Variants in SGF29 observed in about 807,000 individuals in gnomAD.
SGF29 encodes the protein SAGA complex associated factor 29.
Under a neutral mutation model 38.1 loss-of-function variants are expected in SGF29, and 15 were observed. The observed-to-expected ratio is 0.39, with a 90% CI of 0.26 to 0.61. The LOEUF (loss-of-function observed/expected upper bound fraction) is 0.61. SGF29 is among the 20% of genes least tolerant of loss of function. SGF29 has a pLI of 0.49. For synonymous variants in SGF29, 151 were observed against 160.8 expected (o/e 0.94, Z 0.46); for missense variants, 184 against 394.6 (o/e 0.47, Z 4.52).
chr16:28,583,883 A>G (rs2046940610), intron 2 of SGF29, among the ~76,000 whole-genome samples: 1 of 152,058 alleles, frequency 6.6e-6, no homozygotes, highest in African/African-American at 2.4e-5. Context: ...GAATTTCCAT[A>G]TGAATTTTAG....
At chr16:28,563,472 T>G (rs2046802247) in intron 1 of SGF29, among the ~76,000 whole-genome samples, 1 of 152,202 alleles carries the variant, frequency 6.6e-6, no homozygotes. Flanking sequence ...CCTGAAAGTT[T>G]CAACCTCTGT....
chr16:28,555,038 C>A (rs1472612040), intron 1 of SGF29, among the ~76,000 whole-genome samples: 1 of 152,214 alleles, frequency 6.6e-6, no homozygotes, highest in Non-Finnish European at 1.5e-5. Flanking sequence ...GTTGCTCAGA[C>A]TGGAGAACAG....
intron 2 of SGF29, among the ~76,000 whole-genome samples, chr16:28,582,668 G>A (rs926605101): frequency 1.3e-5 from 2 of 152,184 alleles, no homozygotes; most frequent in Admixed American, 1.3e-4. Flanking sequence ...AAAGGGCTGG[G>A]CGTGGTAACT....
chr16:28,564,291 C>T (rs1187978064), intron 1 of SGF29, among the ~76,000 whole-genome samples: 2 of 151,538 alleles, frequency 1.3e-5, no homozygotes, highest in Non-Finnish European at 2.9e-5. Context: ...GAATTGGGAG[C>T]CTTGAGAGGT....
intron 4 of SGF29, among the ~76,000 whole-genome samples, chr16:28,586,909 G>A (rs952754908): frequency 1.4e-4 from 21 of 152,144 alleles, no homozygotes; most frequent in African/African-American, 4.3e-4. Flanking sequence ...GTGGAGTGGC[G>A]TAATCATGGC....
At chr16:28,576,569 G>A (rs1355528708) in intron 1 of SGF29, among the ~76,000 whole-genome samples, 3 of 151,906 alleles carry the variant, frequency 2.0e-5, no homozygotes, top group African/African-American at 7.2e-5. Context: ...GCGTGGTGAT[G>A]GGTGCCTGTA....
At chr16:28,566,300 A>C (rs1201347169) in intron 1 of SGF29, among the ~76,000 whole-genome samples, 1 of 151,658 alleles carries the variant, frequency 6.6e-6, no homozygotes, top group East Asian at 1.9e-4. Context: ...AGAAAAAGAA[A>C]GAGGGTCTTA....
At chr16:28,573,357 G>A (rs190150816) in intron 1 of SGF29, among the ~76,000 whole-genome samples, 193 of 152,244 alleles carry the variant, frequency 1.3e-3, no homozygotes, top group African/African-American at 4.6e-3. Flanking sequence ...AGGCCACATC[G>A]GAAGCAGCAG....
At chr16:28,572,561 G>T (rs184160462) in intron 1 of SGF29, among the ~76,000 whole-genome samples, 16 of 152,186 alleles carry the variant, frequency 1.1e-4, no homozygotes, top group Admixed American at 9.8e-4. Context: ...GAGCCACTGC[G>T]CCCGGTAGAA....
intron 1 of SGF29, among the ~76,000 whole-genome samples, chr16:28,576,657 A>G (rs918128899): frequency 1.3e-5 from 2 of 151,878 alleles, no homozygotes; most frequent in African/African-American, 4.8e-5. Context: ...CCGAGATCAC[A>G]CCACTGCACT....
At chr16:28,581,322 T>G (rs1431548843) in intron 2 of SGF29, among the ~76,000 whole-genome samples, 178 bp downstream of exon 2, 2 of 152,184 alleles carry the variant, frequency 1.3e-5, no homozygotes, top group African/African-American at 4.8e-5. Context: ...TTTTCTACCA[T>G]GTACAGGATT....
intron 3 of SGF29, 130 bp from the exon 4 acceptor site, chr16:28,585,518 G>A (rs1011276122): frequency 3.7e-6 from 3 of 819,772 alleles, no homozygotes; most frequent in Non-Finnish European, 6.2e-6. Flanking sequence ...GCACTCCTGA[G>A]CCAGCAGAGC....
rs1312625700 is a variant in SGF29, at chr16:28,590,673, G to A, written c.602+7G>A. Reference sequence around the variant, plus strand: ...TCGATGAAGAAGGCAAAGAGTGAGTGTCCAGGCCAGGGCAGGGCATGGAGC... The same window carrying A: ...TCGATGAAGAAGGCAAAGAGTGAGTATCCAGGCCAGGGCAGGGCATGGAGC... On this transcript the variant is annotated splice_region_variant and intron_variant, in intron 8 of 9. Transcript: ENST00000317058. This position sits in a 1 kb window ranked among gnomAD's most constrained non-coding sequence, Gnocchi z 8.2. The A allele has an allele frequency of 1.2e-6, 2 of 1,614,130 alleles. No individual in the cohort carries two copies. Among genetic ancestry groups the A allele is most frequent in the Admixed American group, 1.7e-5 (1 of 60,020 alleles).
chr16:28,557,965 GTTTTTTTTTT>G lies in SGF29; in HGVS notation c.-16+3885_-16+3894del, dbSNP rs753237384. Among the ~76,000 whole-genome samples, 10 of 65,622 alleles carry G rather than the reference GTTTTTTTTTT, an allele frequency of 1.5e-4. No individual in the cohort carries two copies. In the South Asian group the frequency reaches 1.9e-3, roughly 12 times the overall value. 43.1% of individuals were successfully genotyped at this position (65,622 alleles called of 152,430 possible). A position where few individuals can be genotyped will look rare whatever the true frequency, so the allele number is the denominator to read the frequency against. ...CAGTATTTTCTGTTTTTCTTTCTCTGTTTTTTTTTTTTTTTTTTTTTTTTTTCAGAGACGG... is the reference window on the plus strand; with the variant it reads ...CAGTATTTTCTGTTTTTCTTTCTCTGTTTTTTTTTTTTTTTTCAGAGACGG... On this transcript the variant is annotated intron_variant, in intron 1 of 9. Transcript: ENST00000317058.
At chr16:28,584,839 C>A in intron 2 of SGF29, 74 bp from the exon 3 acceptor site, 1 of 996,168 alleles carries the variant, frequency 1.0e-6, no homozygotes, top group Non-Finnish European at 1.5e-6. Flanking sequence ...GGGATGGGGA[C>A]TCTGGCCTGG....
chr16:28,587,891 C>T (rs1173117018), intron 4 of SGF29, among the ~76,000 whole-genome samples: 1 of 152,194 alleles, frequency 6.6e-6, no homozygotes. Context: ...GCTCTGCCCC[C>T]AAGGTTCAAG....
chr16:28,590,746 G>A lies in SGF29; in HGVS notation c.603-27G>A, dbSNP rs201339518. ...GAAGGAGCATCCCCACCCGGCCACA[G>A]GTTGATATAAGCCCCTCTTCCCCCA... is the stretch of plus-strand genomic sequence containing the variant. On this transcript the variant is annotated intron_variant, in intron 8 of 9. Coordinates refer to ENST00000317058, the MANE Select transcript of SGF29 (RefSeq NM_138414.3). The surrounding 1 kb of genome is among the most constrained non-coding windows in gnomAD (Gnocchi z 8.2). The A allele has an allele frequency of 6.2e-7, 1 of 1,614,064 alleles. No individual in the cohort carries two copies. The highest frequency in any genetic ancestry group is 1.3e-5 in the African/African-American group (1 of 75,038).
intron 4 of SGF29, 41 bp downstream of exon 4, chr16:28,585,761 C>G (rs757720471): frequency 6.3e-7 from 1 of 1,580,814 alleles, no homozygotes; most frequent in Non-Finnish European, 8.7e-7. Flanking sequence ...TCCCTCCTTT[C>G]CTGGGGGCTG....
intron 1 of SGF29, among the ~76,000 whole-genome samples, chr16:28,561,733 A>G (rs1489425205): frequency 6.6e-6 from 1 of 152,160 alleles, no homozygotes; most frequent in East Asian, 1.9e-4. Flanking sequence ...TTTTGTTTAC[A>G]TGATAGAATT....
Sources: allele counts gnomAD v4.1 joint callset (sites outside exome capture counted in the v4.1 genomes callset), GRCh38; gene constraint gnomAD v4.1.1; non-coding constraint Gnocchi (gnomAD v3.1); transcripts MANE v1.5; gene names NCBI Gene and HGNC (gene_info 2026-07-23, HGNC 2026-07-21).